The following INSC variants were observed in gnomAD, a reference collection of about 807,000 sequenced individuals.
INSC encodes the protein protein inscuteable homolog.
INSC carries 67 observed loss-of-function variants against 58.6 expected under a neutral mutation model. The observed-to-expected ratio is 1.14, with a 90% CI of 0.94 to 1.40. The LOEUF (loss-of-function observed/expected upper bound fraction) is 1.40, where lower values mean the gene tolerates loss of function less well. Among genes scored for constraint, INSC ranks in the 40% most tolerant of loss-of-function variants. INSC has a pLI of 0.00. For synonymous variants in INSC, 262 were observed against 276.1 expected, an observed-to-expected ratio of 0.95 and a Z score of 0.51; for missense variants, 714 against 692.0, an observed-to-expected ratio of 1.03 and a Z score of -0.36.
At chr11:15,163,414 C>CA (rs1323687467) in intron 2 of INSC, among the ~76,000 whole-genome samples, 2 of 152,032 alleles carry the variant, frequency 1.3e-5, no homozygotes, top group Non-Finnish European at 2.9e-5. Context: ...TATATTCTTT[C>CA]AATGTGTAGT....
chr11:15,131,233 A>G (rs1249225016), intron 1 of INSC, among the ~76,000 whole-genome samples: 1 of 151,832 alleles, frequency 6.6e-6, no homozygotes, highest in Non-Finnish European at 1.5e-5. Context: ...GTCTATTTTC[A>G]TCATCATTCA....
intron 2 of INSC, among the ~76,000 whole-genome samples, chr11:15,162,849 G>GGGACT (rs1849065656): frequency 6.6e-6 from 1 of 152,180 alleles, no homozygotes; most frequent in Admixed American, 6.5e-5. Flanking sequence ...TCCAGTAAGA[G>GGGACT]GGACTGGACT....
upstream of INSC, chr11:15,112,429 C>T (rs367592493): frequency 6.5e-7 from 1 of 1,536,724 alleles, no homozygotes; most frequent in Non-Finnish European, 8.8e-7. Context: ...ACAGGGGCCT[C>T]TGTAAGGAGA....
chr11:15,210,505 T>TTGTGTG (rs56375160), intron 7 of INSC, among the ~76,000 whole-genome samples: 23,122 of 135,208 alleles, frequency 0.17, 1,971 homozygotes, highest in Non-Finnish European at 0.22. Flanking sequence ...ATTTGAGAGT[T>TTGTGTG]TGTGTGTGTG....
intron 1 of INSC, among the ~76,000 whole-genome samples, chr11:15,147,564 G>C (rs1225762134): frequency 3.3e-5 from 5 of 152,178 alleles, no homozygotes; most frequent in Non-Finnish European, 5.9e-5. Context: ...AAGAGATGGG[G>C]CTCAACATCA....
At chr11:15,211,074 C>T (rs574349715) in intron 7 of INSC, among the ~76,000 whole-genome samples, 9 of 152,094 alleles carry the variant, frequency 5.9e-5, no homozygotes, top group African/African-American at 2.2e-4. Context: ...AAGAGACTTA[C>T]TGGAGGAAGA....
intron 6 of INSC, among the ~76,000 whole-genome samples, chr11:15,191,933 C>T (rs1850193171): frequency 6.6e-6 from 1 of 152,180 alleles, no homozygotes; most frequent in East Asian, 1.9e-4. Flanking sequence ...ACAAGATGGC[C>T]TCTAAATAAA....
intron 7 of INSC, among the ~76,000 whole-genome samples, chr11:15,210,349 A>T (rs1251097147): frequency 1.0e-5 from 1 of 97,166 alleles, no homozygotes. Flanking sequence ...TTAGATGTTT[A>T]GCTGGCAGGG....
chr11:15,151,041 G>T (rs551294515), intron 2 of INSC, among the ~76,000 whole-genome samples: 2 of 152,264 alleles, frequency 1.3e-5, no homozygotes, highest in Admixed American at 6.5e-5. Flanking sequence ...GAGCCTGAGG[G>T]TGCTTTGCAG....
At chr11:15,266,135 T>C in the INSC span, among the ~76,000 whole-genome samples, 1 of 151,942 alleles carries the variant, frequency 6.6e-6, no homozygotes, top group African/African-American at 2.4e-5. Flanking sequence ...GGAGAAGAAG[T>C]AATCTAACCA....
chr11:15,222,980 C>A (rs965530641), intron 8 of INSC, among the ~76,000 whole-genome samples: 4 of 152,160 alleles, frequency 2.6e-5, no homozygotes, highest in African/African-American at 9.7e-5. Flanking sequence ...CATTATGACT[C>A]ACTTATGCCA....
At chr11:15,134,868 A>T (rs1191009448) in intron 1 of INSC, among the ~76,000 whole-genome samples, 1 of 141,236 alleles carries the variant, frequency 7.1e-6, no homozygotes, top group Non-Finnish European at 1.5e-5. Flanking sequence ...TTGCTTTGCC[A>T]TATTGTGGCT....
chr11:15,216,596 G>C (rs567325210), intron 7 of INSC, among the ~76,000 whole-genome samples: 4 of 152,134 alleles, frequency 2.6e-5, no homozygotes, highest in Non-Finnish European at 5.9e-5. Context: ...CTTCTGAGGA[G>C]TTGCAATTAT....
At chr11:15,133,620 T>C (rs1848174409) in intron 1 of INSC, among the ~76,000 whole-genome samples, 1 of 152,216 alleles carries the variant, frequency 6.6e-6, no homozygotes, top group African/African-American at 2.4e-5. Context: ...CTTGGAAAGT[T>C]CCTAGGCTTT....
At chr11:15,183,351 C>CAAAAAAAAAAA (rs66894801) in intron 5 of INSC, among the ~76,000 whole-genome samples, 1 of 80,752 alleles carries the variant, frequency 1.2e-5, no homozygotes, top group African/African-American at 4.4e-5. Context: ...AACTCCATCT[C>CAAAAAAAAAAA]AAAAAAAAAA....
intron 7 of INSC, among the ~76,000 whole-genome samples, chr11:15,212,331 C>A (rs928360130): frequency 6.6e-6 from 1 of 152,022 alleles, no homozygotes; most frequent in Non-Finnish European, 1.5e-5. Flanking sequence ...AACTCCTGAC[C>A]TCAGGTGATC....
the INSC span, among the ~76,000 whole-genome samples, chr11:15,263,461 G>A: frequency 2.6e-5 from 4 of 151,994 alleles, no homozygotes; most frequent in African/African-American, 7.2e-5. Context: ...ACAATGACAA[G>A]ATCTTAAAGG....
chr11:15,229,312 C>T (rs1435547700), intron 9 of INSC, among the ~76,000 whole-genome samples: 1 of 152,166 alleles, frequency 6.6e-6, no homozygotes, highest in Non-Finnish European at 1.5e-5. Context: ...TGGGACCTCA[C>T]TGTGAATACC....
intron 2 of INSC, among the ~76,000 whole-genome samples, chr11:15,161,121 C>T (rs1046500150): frequency 3.9e-5 from 6 of 152,192 alleles, no homozygotes; most frequent in Non-Finnish European, 7.3e-5. Context: ...TCAAACCCTT[C>T]TACCAATTGA....
Sources: allele counts gnomAD v4.1 joint callset (sites outside exome capture counted in the v4.1 genomes callset), GRCh38; gene constraint gnomAD v4.1.1; transcripts MANE v1.5; gene names NCBI Gene and HGNC (gene_info 2026-07-23, HGNC 2026-07-21).